Variants in SRPK2 observed in about 807,000 individuals in gnomAD.
SRPK2 encodes SFRS protein kinase 2.
Under a neutral mutation model 90.8 loss-of-function variants are expected in SRPK2, and 21 were observed. That is an observed-to-expected ratio of 0.23 (90% CI 0.16 to 0.33). The LOEUF is 0.33. SRPK2 is among the 10% of genes least tolerant of loss of function. SRPK2 has a pLI of 1.00. For synonymous variants in SRPK2, 288 were observed against 311.1 expected (o/e 0.93, Z 0.78); for missense variants, 620 against 869.0 (o/e 0.71, Z 3.60).
chr7:105,255,979 G>C (rs1803235574), intron 2 of SRPK2, among the ~76,000 whole-genome samples: 2 of 151,232 alleles, frequency 1.3e-5, no homozygotes, highest in Admixed American at 1.3e-4. Context: ...CATCTGTCAG[G>C]GCTCTTCCTA....
At position 105,192,558 on chromosome 7, in the gene SRPK2, T is replaced by C. The variant is rs181460942; in HGVS notation, c.229+11070A>G. 1.6e-4 allele frequency among the ~76,000 whole-genome samples: 25 copies of C among 152,370 alleles called. No individual in the cohort carries two copies. The East Asian group carries it at 4.4e-3, about 27-fold the overall frequency. ...AACGACTTATTTTCCTCTAGGTAGA[T>C]ACTCAGTTAGTGGGATTGCTGGATC... On this transcript the variant is annotated intron_variant, in intron 3 of 15. Transcript: ENST00000393651.
intron 2 of SRPK2, among the ~76,000 whole-genome samples, chr7:105,218,542 T>C (rs145701456): frequency 2.1e-4 from 32 of 152,242 alleles, no homozygotes; most frequent in South Asian, 1.9e-3. Context: ...TAGATACAAA[T>C]AGACGTAGGT....
intron 2 of SRPK2, among the ~76,000 whole-genome samples, chr7:105,363,868 G>A (rs1245471214): frequency 1.3e-5 from 2 of 152,156 alleles, no homozygotes; most frequent in African/African-American, 2.4e-5. Context: ...AAAAGGATGA[G>A]TTCATGTGCT....
chr7:105,199,768 T>C (rs964630147), intron 3 of SRPK2, among the ~76,000 whole-genome samples: 2 of 151,858 alleles, frequency 1.3e-5, no homozygotes, highest in African/African-American at 4.8e-5. Flanking sequence ...TAAATAAATA[T>C]AAACATAAAG....
At chr7:105,357,612 T>TG (rs1817928856) in intron 2 of SRPK2, among the ~76,000 whole-genome samples, 1 of 151,906 alleles carries the variant, frequency 6.6e-6, no homozygotes, top group African/African-American at 2.4e-5. Context: ...GGTGCGGTGG[T>TG]GTGCGCTTGT....
chr7:105,222,471 CT>C (rs1798212472), intron 2 of SRPK2, among the ~76,000 whole-genome samples: 1 of 152,180 alleles, frequency 6.6e-6, no homozygotes, highest in Admixed American at 6.5e-5. Context: ...CAAACAATAA[CT>C]GAAGACAATA....
At chr7:105,150,757 T>C (rs573935470) in intron 7 of SRPK2, among the ~76,000 whole-genome samples, 5 of 152,192 alleles carry the variant, frequency 3.3e-5, no homozygotes, top group East Asian at 1.9e-4. Flanking sequence ...GATAGGCACA[T>C]TGATGATGTC....
At chr7:105,273,382 T>C (rs1467481920) in intron 2 of SRPK2, among the ~76,000 whole-genome samples, 1 of 151,732 alleles carries the variant, frequency 6.6e-6, no homozygotes, top group Middle Eastern at 3.2e-3. Flanking sequence ...ATACCACCGT[T>C]CAGTCGTCTC....
intron 2 of SRPK2, among the ~76,000 whole-genome samples, chr7:105,326,065 A>G (rs1036525625): frequency 6.6e-6 from 1 of 152,204 alleles, no homozygotes; most frequent in African/African-American, 2.4e-5. Flanking sequence ...ATCATCCTGG[A>G]AAACAAGGTG....
chr7:105,334,222 T>C (rs899241890), intron 2 of SRPK2, among the ~76,000 whole-genome samples: 21 of 152,230 alleles, frequency 1.4e-4, no homozygotes, highest in African/African-American at 4.8e-4. Context: ...GCTGGGACTA[T>C]AGGCACACGC....
In SRPK2 at chr7:105,142,382, T is replaced by C. The variant is rs1012379191; in HGVS notation, c.1169A>G (p.Glu390Gly). ...AATATGGCCATTGGTTTTAGGTGAT[T>C]CTATCCACGTAGGGTCTATGTTCGC... ...ELANIDPTWIESPKTNGHIEN... is the reference protein window; with the variant it reads ...ELANIDPTWIGSPKTNGHIEN... Residue 390 changes from glutamate to glycine, a missense_variant, in exon 11 of 16, where the codon GAA becomes GGA. Physicochemically the swap from Glu to Gly is moderately conservative, Grantham distance 98. Transcript: ENST00000393651. 1.9e-6 allele frequency: 3 copies of C among 1,614,174 alleles called. No individual in the cohort carries two copies. The highest frequency in any genetic ancestry group is 2.5e-6 in the Non-Finnish European group (3 of 1,180,020).
Position 105,307,767 on chromosome 7 carries a change from T to G in SRPK2, c.71+80881A>C, listed in dbSNP as rs1811298767. Among the ~76,000 whole-genome samples the G allele has an allele frequency of 2.6e-5, 4 of 152,208 alleles. No individual in the cohort carries two copies. The South Asian group carries it at 8.3e-4, about 31-fold the overall frequency. On this transcript the variant is annotated intron_variant, in intron 2 of 15. Transcript: ENST00000393651. ...TTTTTGAATTTCCTAAGTTTAACTT[T>G]AAGTATATATTTTATAATCAGAAAT...
rs57653042 is a variant in SRPK2 at position 105,331,308 on chromosome 7, C to CAAAAAAAAAAAAAAAAAA, written c.71+57322_71+57339dup. ...TGGGCGACAGAGCGAGACTCCGTCT[C>CAAAAAAAAAAAAAAAAAA]AAAAAAAAAAAAAAAAAAAAAAAAA... On this transcript the variant is annotated intron_variant, in intron 2 of 15. Coordinates refer to ENST00000393651, the MANE Select transcript of SRPK2 (RefSeq NM_182692.3). 2.2e-4 allele frequency among the ~76,000 whole-genome samples: 10 copies of CAAAAAAAAAAAAAAAAAA among 45,106 alleles called. 1 individual carries two copies. Among genetic ancestry groups the CAAAAAAAAAAAAAAAAAA allele is most frequent in the South Asian group, 1.5e-3 (2 of 1,378 alleles). 29.6% of individuals were successfully genotyped at this position (45,106 alleles called of 152,430 possible).
downstream of SRPK2, among the ~76,000 whole-genome samples, chr7:105,115,079 A>AT (rs1162459402): frequency 6.6e-6 from 1 of 152,212 alleles, no homozygotes; most frequent in Non-Finnish European, 1.5e-5. Context: ...TACTACAGAA[A>AT]TATGCATACA....
chr7:105,170,967 G>GAAAGAAAGAAAGAGAAAGAA (rs66735717), intron 3 of SRPK2, among the ~76,000 whole-genome samples: 5 of 74,506 alleles, frequency 6.7e-5, no homozygotes, highest in Middle Eastern at 0.012. Context: ...AAGAAAGAAA[G>GAAAGAAAGAAAGAGAAAGAA]AGAAAGAAAG....
chr7:105,374,676 G>T (rs993777733), intron 2 of SRPK2, among the ~76,000 whole-genome samples: 6 of 152,092 alleles, frequency 3.9e-5, no homozygotes, highest in Non-Finnish European at 8.8e-5. Flanking sequence ...GCCATCTCTG[G>T]CTTAATACAA....
intron 3 of SRPK2, 65 bp from the exon 4 acceptor site, chr7:105,169,330 C>CTCTTTTGTCAT: frequency 1.6e-6 from 2 of 1,237,606 alleles, no homozygotes; most frequent in Non-Finnish European, 2.3e-6. Flanking sequence ...AACATTTCAT[C>CTCTTTTGTCAT]TCTTTTGTCA....
upstream of SRPK2, among the ~76,000 whole-genome samples, chr7:105,390,981 C>A (rs1438878734): frequency 6.6e-6 from 1 of 152,054 alleles, no homozygotes; most frequent in African/African-American, 2.4e-5. Flanking sequence ...TTAATTATTT[C>A]TCCAAGATAC....
chr7:105,388,597 CCCCCGACGGGGCGG>C, intron 2 of SRPK2, 37 bp downstream of exon 2: 1 of 1,514,398 alleles, frequency 6.6e-7, no homozygotes, highest in South Asian at 1.2e-5. Flanking sequence ...GCCGCGGGCG[CCCCCGACGGGGCGG>C]GGGTGGGGAA....
Sources: gnomAD v4.1 joint callset for allele counts (sites outside exome capture counted in the v4.1 genomes callset) on GRCh38, gnomAD v4.1.1 for gene constraint, MANE v1.5 for transcripts, NCBI Gene and HGNC (gene_info 2026-07-23, HGNC 2026-07-21) for gene names.